DRC3: variants seen among roughly 807,000 people sequenced by gnomAD.
The protein encoded by DRC3 is leucine rich repeat containing 48.
Under a neutral mutation model 57.6 loss-of-function variants are expected in DRC3, and 45 were observed. The observed-to-expected ratio is 0.78, with a 90% confidence interval of 0.62 to 1.00. The LOEUF is 1.00. DRC3 is among the 50% of genes least tolerant of loss of function. The probability of loss-of-function intolerance (pLI) is 0.00; values close to 1 mark genes in which losing one functional copy is unlikely to be tolerated. For missense variants in DRC3, 655 were observed against 675.2 expected (o/e 0.97, Z 0.33); for synonymous variants, 257 against 272.3 (o/e 0.94, Z 0.55).
intron 4 of DRC3, among the ~76,000 whole-genome samples, chr17:17,986,759 C>G (rs2042980902): frequency 6.6e-6 from 1 of 152,244 alleles, no homozygotes; most frequent in South Asian, 2.1e-4. Context: ...CCACTACGCC[C>G]AGCCCCAAAT....
intron 8 of DRC3, among the ~76,000 whole-genome samples, chr17:17,997,210 G>A (rs2043495531): frequency 6.6e-6 from 1 of 152,126 alleles, no homozygotes; most frequent in Non-Finnish European, 1.5e-5. Context: ...CTTCACACAG[G>A]CCCCATTCCT....
At chr17:17,983,996 A>C in intron 4 of DRC3, 52 bp downstream of exon 4, 1 of 1,171,766 alleles carries the variant, frequency 8.5e-7, no homozygotes, top group Non-Finnish European at 1.3e-6. Flanking sequence ...ACACCCTGAC[A>C]AGGTTATTGC....
At chr17:17,975,365 C>T (rs1338809303) in intron 2 of DRC3, among the ~76,000 whole-genome samples, 1 of 152,024 alleles carries the variant, frequency 6.6e-6, no homozygotes, top group East Asian at 1.9e-4. Flanking sequence ...ACATGCGCCA[C>T]CATGCCCAGC....
At chr17:18,001,913 T>A (rs2043749468) in intron 9 of DRC3, among the ~76,000 whole-genome samples, 1 of 152,208 alleles carries the variant, frequency 6.6e-6, no homozygotes, top group Non-Finnish European at 1.5e-5. Flanking sequence ...ATGCATGTAA[T>A]CCCAGCACTT....
chr17:18,004,314 C>G (rs995824617), intron 9 of DRC3, 49 bp from the exon 10 acceptor site: 36 of 1,557,738 alleles, frequency 2.3e-5, no homozygotes, highest in Non-Finnish European at 3.1e-5. Flanking sequence ...CTGCCATTAT[C>G]TAATTACACT....
At chr17:18,003,214 G>C (rs913238972) in intron 9 of DRC3, among the ~76,000 whole-genome samples, 2 of 152,042 alleles carry the variant, frequency 1.3e-5, no homozygotes, top group African/African-American at 4.8e-5. Flanking sequence ...GCTGGGCACA[G>C]TGGCTCACAC....
At chr17:18,007,236 C>A in intron 12 of DRC3, 89 bp downstream of exon 12, 1 of 629,406 alleles carries the variant, frequency 1.6e-6, no homozygotes, top group Non-Finnish European at 2.3e-6. Context: ...AGCCTGACAA[C>A]CTCCCAGAGC....
rs779646640 is a variant in DRC3, at chr17:18,004,452, T to C, written c.1089T>C (p.Asp363=). The C allele has an allele frequency of 7.4e-6, 12 of 1,611,462 alleles. 1 individual carries two copies. The African/African-American group carries it at 1.2e-4, about 16-fold the overall frequency. The change falls in exon 10 of 14, where the codon GAT becomes GAC. Residue 363 remains aspartate (D), a synonymous_variant. Transcript: ENST00000399187. ...ECSADISELF[D]ALMTLEMQLV... is the part of the protein sequence containing the mutation. Reference sequence around the variant, plus strand: ...GTGCTGACATCAGTGAGTTGTTCGATGCGCTCATGACGCTGGAGATGCAGC... The same window carrying C: ...GTGCTGACATCAGTGAGTTGTTCGACGCGCTCATGACGCTGGAGATGCAGC...
Position 18,016,811 on chromosome 17 carries a change from C to T in DRC3, c.*140C>T. On this transcript the variant is annotated 3_prime_UTR_variant, in exon 14 of 14. Coordinates refer to ENST00000399187, the MANE Select transcript of DRC3 (RefSeq NM_031294.4). ...GATCCCCAACACCATTCTTCCCCCACCCCTGGAAAAACTTCCAAAAGTAGA... is the reference window on the plus strand; with the variant it reads ...GATCCCCAACACCATTCTTCCCCCATCCCTGGAAAAACTTCCAAAAGTAGA... 2 of 506,372 alleles carry T rather than the reference C, an allele frequency of 3.9e-6. No individual in the cohort carries two copies. The highest frequency in any genetic ancestry group is 7.0e-6 in the Non-Finnish European group (2 of 285,510). The allele number at this position is 506,372 out of a possible 1,614,324, so 31.4% of individuals were successfully genotyped here.
intron 9 of DRC3, among the ~76,000 whole-genome samples, chr17:18,002,306 C>CTAT (rs1293888281): frequency 6.6e-6 from 1 of 152,192 alleles, no homozygotes; most frequent in Non-Finnish European, 1.5e-5. Context: ...GACAGGGTAG[C>CTAT]TATTATTATG....
At chr17:17,994,027 A>G (rs934040606) in intron 6 of DRC3, 3 of 389,222 alleles carry the variant, frequency 7.7e-6, no homozygotes, top group Middle Eastern at 1.7e-3. Flanking sequence ...CCTGCCCTGG[A>G]GATGGCCCCG....
Position 18,015,861 on chromosome 17 carries a change from C to A in DRC3, c.1327-203C>A. On this transcript the variant is annotated intron_variant, in intron 12 of 13. Coordinates refer to ENST00000399187, the MANE Select transcript of DRC3 (RefSeq NM_031294.4). The stretch of plus-strand genomic sequence containing the variant: ...CCTGGTTGGCCCTTTCCCCACAACA[C>A]CTGCCCTGTGCAGTTGGGGAAGCGG... 3 of 575,784 alleles carry A rather than the reference C, an allele frequency of 5.2e-6. No homozygotes were observed. The East Asian group carries it at 8.9e-5, about 17-fold the overall frequency. The allele number at this position is 575,784 out of a possible 1,614,324, so 35.7% of individuals were successfully genotyped here. A position where few individuals can be genotyped will look rare whatever the true frequency, so the allele number is the denominator to read the frequency against.
At chr17:18,005,761 C>T in intron 10 of DRC3, 1 of 186,748 alleles carries the variant, frequency 5.4e-6, no homozygotes, top group South Asian at 1.3e-4. Flanking sequence ...CAGAGTTACA[C>T]AGAGTGCTGG....
intron 8 of DRC3, 87 bp from the exon 9 acceptor site, chr17:17,997,373 G>A: frequency 8.0e-7 from 1 of 1,252,132 alleles, no homozygotes. Context: ...CACAGTCTGT[G>A]CACTGTGCCA....
intron 12 of DRC3, among the ~76,000 whole-genome samples, chr17:18,013,590 T>C (rs2145456782): frequency 6.6e-6 from 1 of 152,320 alleles, no homozygotes; most frequent in East Asian, 1.9e-4. Flanking sequence ...CTAAAAAAGT[T>C]GATCTCATAG....
intron 12 of DRC3, chr17:18,015,161 C>G (rs147971814): frequency 6.6e-6 from 1 of 152,308 alleles, no homozygotes; most frequent in African/African-American, 2.4e-5. Context: ...GCTGGCTTTC[C>G]CAAATGTATT....
chr17:17,981,656 C>G (rs942635188), intron 3 of DRC3: 1 of 152,146 alleles, frequency 6.6e-6, no homozygotes, highest in Non-Finnish European at 1.5e-5. Context: ...GGCTCAGGCT[C>G]CTCTGAGGCA....
chr17:18,003,897 C>T (rs556117759), intron 9 of DRC3, among the ~76,000 whole-genome samples: 10 of 151,764 alleles, frequency 6.6e-5, no homozygotes, highest in African/African-American at 2.4e-4. Context: ...ATGATCCACC[C>T]ACCTCGGCCT....
intron 2 of DRC3, among the ~76,000 whole-genome samples, chr17:17,976,542 G>A (rs371179646): frequency 8.5e-5 from 13 of 152,186 alleles, no homozygotes; most frequent in African/African-American, 2.4e-4. Flanking sequence ...TTAGCCAGGC[G>A]TAGTGGTGGA....
Sources: gnomAD v4.1 joint callset for allele counts (sites outside exome capture counted in the v4.1 genomes callset) on GRCh38, gnomAD v4.1.1 for gene constraint, MANE v1.5 for transcripts, NCBI Gene and HGNC (gene_info 2026-07-23, HGNC 2026-07-21) for gene names.